RC3H1: variants seen among roughly 807,000 people sequenced by gnomAD.
RC3H1 encodes the protein roquin-1.
In RC3H1, 50 loss-of-function variants were observed where a neutral mutation model predicts 138.2. That is an observed-to-expected ratio of 0.36 (90% CI 0.29 to 0.46). The LOEUF (loss-of-function observed/expected upper bound fraction) is 0.46, where lower values mean the gene tolerates loss of function less well. Ranked by LOEUF, RC3H1 falls within the 20% of genes least tolerant of loss-of-function variation. RC3H1 has a pLI of 1.00. For synonymous variants in RC3H1, 462 were observed against 489.1 expected (o/e 0.94, Z 0.73); for missense variants, 1,031 against 1,388.1 (o/e 0.74, Z 4.09).
chr1:173,982,859 T>C lies in RC3H1; in HGVS notation c.636A>G (p.Glu212=), dbSNP rs557699559. Residue 212 remains glutamate (E), a synonymous_variant, in exon 5 of 20, where the codon GAA becomes GAG. Transcript: ENST00000367696. Reference sequence around the variant, plus strand: ...CTTTTCTTGACAAAGCAGAACCATCTTCTAAGGCCAGCAGAACCAACTTTA... The same window carrying C: ...CTTTTCTTGACAAAGCAGAACCATCCTCTAAGGCCAGCAGAACCAACTTTA... ...EALKLVLLAL[E]DGSALSRKVL... is the part of the protein sequence containing the mutation. 1.9e-6 allele frequency: 3 copies of C among 1,613,376 alleles called. No individual in the cohort carries two copies. The highest frequency in any genetic ancestry group is 2.5e-6 in the Non-Finnish European group (3 of 1,179,682).
At position 173,936,728 on chromosome 1, in the gene RC3H1, TAC is replaced by T. The variant is rs1557913367; in HGVS notation, c.*1991_*1992del. On this transcript the variant is annotated 3_prime_UTR_variant, in exon 20 of 20. Transcript: ENST00000367696. ...AAAGCCAAAAAAAAAAGAAAAAGCA[TAC>T]ATATATATATATATATATATATATA... The T allele has an allele frequency of 2.7e-4, 9 of 33,516 alleles. No homozygotes were observed. Among genetic ancestry groups the T allele is most frequent in the Non-Finnish European group, 1.3e-4 (3 of 23,162 alleles). 2.1% of individuals were successfully genotyped at this position (33,516 alleles called of 1,614,324 possible). A position where few individuals can be genotyped will look rare whatever the true frequency, so the allele number is the denominator to read the frequency against.
intron 8 of RC3H1, among the ~76,000 whole-genome samples, chr1:173,971,245 G>A (rs1435897862): frequency 6.6e-6 from 1 of 152,108 alleles, no homozygotes; most frequent in Non-Finnish European, 1.5e-5. Context: ...TTACAGGTGT[G>A]AGCCACTGTG....
At chr1:173,970,692 G>C in intron 8 of RC3H1, 75 bp from the exon 9 acceptor site, 1 of 928,414 alleles carries the variant, frequency 1.1e-6, no homozygotes, top group Non-Finnish European at 1.7e-6. Flanking sequence ...TGTCATTTTA[G>C]GATCTTGATA....
Position 173,933,173 on chromosome 1 carries a change from T to C in RC3H1, c.*5548A>G, listed in dbSNP as rs1178782524. On this transcript the variant is annotated 3_prime_UTR_variant, in exon 20 of 20. Transcript: ENST00000367696. ...TTCTTCCCCCTTATTGTGCCTTATT[T>C]TCTTGTGAAAATAAAGTTCGTTCTC... 1 of 152,122 alleles carries C rather than the reference T, an allele frequency of 6.6e-6. No homozygotes were observed. The highest frequency in any genetic ancestry group is 1.5e-5 in the Non-Finnish European group (1 of 67,976). 9.4% of individuals were successfully genotyped at this position (152,122 alleles called of 1,614,324 possible).
At chr1:174,001,213 TGAG>T (rs1278813643) in intron 1 of RC3H1, among the ~76,000 whole-genome samples, 1 of 152,150 alleles carries the variant, frequency 6.6e-6, no homozygotes, top group African/African-American at 2.4e-5. Context: ...AATACCAGAT[TGAG>T]GAGAAGTAGT....
chr1:173,982,018 T>A (rs1361187935), intron 5 of RC3H1, among the ~76,000 whole-genome samples: 1 of 152,228 alleles, frequency 6.6e-6, no homozygotes, highest in Non-Finnish European at 1.5e-5. Flanking sequence ...CATTACCATA[T>A]AAACTGAAAT....
intron 11 of RC3H1, among the ~76,000 whole-genome samples, chr1:173,962,620 C>T (rs1307318889): frequency 1.3e-5 from 2 of 152,170 alleles, no homozygotes; most frequent in Non-Finnish European, 2.9e-5. Flanking sequence ...TGGAATTAAG[C>T]AGTTAGGACA....
intron 1 of RC3H1, among the ~76,000 whole-genome samples, chr1:174,005,934 G>A (rs1282255341): frequency 2.0e-5 from 3 of 152,092 alleles, no homozygotes; most frequent in Non-Finnish European, 4.4e-5. Flanking sequence ...GGCCGGGCGC[G>A]GTGGCTCATG....
intron 17 of RC3H1, among the ~76,000 whole-genome samples, chr1:173,944,335 A>C (rs1659041057): frequency 6.6e-6 from 1 of 152,214 alleles, no homozygotes; most frequent in Non-Finnish European, 1.5e-5. Flanking sequence ...ACTGAGTTAA[A>C]TATGTGGCAA....
chr1:173,953,435 C>G (rs1557925179), intron 13 of RC3H1, among the ~76,000 whole-genome samples: 1 of 152,034 alleles, frequency 6.6e-6, no homozygotes, highest in Non-Finnish European at 1.5e-5. Flanking sequence ...CTACACCCAG[C>G]TAATTTTGTA....
chr1:173,947,371 G>A lies in RC3H1; in HGVS notation c.2735C>T (p.Ser912Leu). The change falls in exon 15 of 20, where the codon TCA becomes TTA. Residue 912 changes from serine (S) to leucine (L), a missense_variant and splice_region_variant. Physicochemically the swap from Ser to Leu is moderately radical, Grantham distance 145. Coordinates refer to ENST00000367696, the MANE Select transcript of RC3H1 (RefSeq NM_172071.4). ...CAGCTTACCTCTGAGATTCTTACCT[G>A]AAATGTTAATAGATTTTGTAGGAGC... is the stretch of plus-strand genomic sequence containing the variant. The part of the protein sequence containing the change: ...QGAPTKSINI[S>L]DYSPYGTHGG... 6.2e-7 allele frequency: 1 copy of A among 1,608,318 alleles called. No individual in the cohort carries two copies. The highest frequency in any genetic ancestry group is 1.1e-5 in the South Asian group (1 of 90,964).
intron 1 of RC3H1, among the ~76,000 whole-genome samples, chr1:174,011,105 A>C (rs1027883565): frequency 4.6e-5 from 7 of 152,190 alleles, no homozygotes; most frequent in African/African-American, 1.7e-4. Context: ...GAATTTTCTT[A>C]CTTCGAAATC....
chr1:174,013,055 G>C (rs1458682870), intron 1 of RC3H1, among the ~76,000 whole-genome samples: 1 of 151,848 alleles, frequency 6.6e-6, no homozygotes, highest in African/African-American at 2.4e-5. Flanking sequence ...AAGAAGAGCA[G>C]ACTAAAAAGA....
rs1295555262 is a variant in RC3H1 at position 173,992,695 on chromosome 1, C to T, written c.231+60G>A. 4 of 1,205,980 alleles carry T rather than the reference C, an allele frequency of 3.3e-6. No homozygotes were observed. In the African/African-American group the frequency reaches 6.2e-5, roughly 19 times the overall value. 74.7% of individuals were successfully genotyped at this position (1,205,980 alleles called of 1,614,324 possible). Reference sequence around the variant, plus strand: ...ACACACACACACACACACACACACACACACAGAGAGAGAGAGAGAGAGAGG... The same window carrying T: ...ACACACACACACACACACACACACATACACAGAGAGAGAGAGAGAGAGAGG... On this transcript the variant is annotated intron_variant, in intron 2 of 19. Transcript: ENST00000367696.
rs772419837 is a variant in RC3H1 at position 173,993,020 on chromosome 1, A to G, written c.-35T>C. The stretch of plus-strand genomic sequence containing the variant: ...AGTTACAATTCACGAACACAAACAC[A>G]CACACAAATCTAAAGCAAAGATTCC... On this transcript the variant is annotated 5_prime_UTR_variant, in exon 2 of 20. Coordinates refer to ENST00000367696, the MANE Select transcript of RC3H1 (RefSeq NM_172071.4). 7.0e-7 allele frequency: 1 copy of G among 1,437,408 alleles called. No homozygotes were observed. Among genetic ancestry groups the G allele is most frequent in the South Asian group, 1.1e-5 (1 of 87,406 alleles). 89.0% of individuals were successfully genotyped at this position (1,437,408 alleles called of 1,614,324 possible).
In RC3H1 at chr1:173,932,134, T is replaced by C. The variant is rs900652066; in HGVS notation, c.*6587A>G. The C allele has an allele frequency of 6.6e-6, 1 of 152,112 alleles. No individual in the cohort carries two copies. The highest frequency in any genetic ancestry group is 1.5e-5 in the Non-Finnish European group (1 of 67,986). 9.4% of individuals were successfully genotyped at this position (152,112 alleles called of 1,614,324 possible). A position where few individuals can be genotyped will look rare whatever the true frequency, so the allele number is the denominator to read the frequency against. Reference sequence around the variant, plus strand: ...CCAAGATTATTTTTGTCTTGTTAAATATACCTCTGCAGGGCACAATCACTT... The same window carrying C: ...CCAAGATTATTTTTGTCTTGTTAAACATACCTCTGCAGGGCACAATCACTT... On this transcript the variant is annotated 3_prime_UTR_variant, in exon 20 of 20. Transcript: ENST00000367696.
intron 1 of RC3H1, among the ~76,000 whole-genome samples, chr1:173,995,610 G>T (rs1661441485): frequency 1.3e-5 from 2 of 151,986 alleles, no homozygotes; most frequent in Admixed American, 6.6e-5. Flanking sequence ...TTATATGATG[G>T]TATTTGGTTA....
intron 13 of RC3H1, among the ~76,000 whole-genome samples, chr1:173,958,736 A>T (rs1659747437): frequency 6.6e-6 from 1 of 152,092 alleles, no homozygotes; most frequent in African/African-American, 2.4e-5. Context: ...AGAAATACAA[A>T]GAAGTTGACT....
Position 173,938,749 on chromosome 1 carries a change from G to C in RC3H1, c.3374C>G (p.Ser1125Ter), listed in dbSNP as rs746144078. 2 of 1,612,010 alleles carry C rather than the reference G, an allele frequency of 1.2e-6. No homozygotes were observed. The highest frequency in any genetic ancestry group is 4.5e-5 in the East Asian group (2 of 44,824). Residue 1125 changes from serine (S) to a stop codon, truncating the protein, a stop_gained, in exon 20 of 20, where the codon TCA (serine) becomes TGA (stop). Transcript: ENST00000367696. LOFTEE classifies it high-confidence loss of function. ...AGGAGCAGAACTGGGAGTAACTCCTGATCTCTGGGAGTCATTATTATCCCC... is the reference window on the plus strand; with the variant it reads ...AGGAGCAGAACTGGGAGTAACTCCTCATCTCTGGGAGTCATTATTATCCCC... Reference protein sequence around the residue: ...GGGDNNDSQRSGVTPSSAP With the variant: ...GGGDNNDSQR
Sources: allele counts gnomAD v4.1 joint callset (sites outside exome capture counted in the v4.1 genomes callset), GRCh38; gene constraint gnomAD v4.1.1; transcripts MANE v1.5; gene names NCBI Gene and HGNC (gene_info 2026-07-23, HGNC 2026-07-21).